PARP16: variants seen among roughly 807,000 people sequenced by gnomAD.
PARP16 encodes the protein protein mono-ADP-ribosyltransferase PARP16.
PARP16 carries 31 observed loss-of-function variants against 35.0 expected under a neutral mutation model. The observed-to-expected ratio is 0.88, with a 90% CI of 0.66 to 1.19. PARP16 has a LOEUF of 1.19. Ranked by LOEUF, PARP16 falls within the 50% of genes most tolerant of loss-of-function variation. The pLI is 0.00. For synonymous variants in PARP16, 162 were observed against 169.5 expected, an observed-to-expected ratio of 0.96 and a Z score of 0.34; for missense variants, 424 against 411.2, an observed-to-expected ratio of 1.03 and a Z score of -0.27.
At chr15:65,245,077 G>T (rs1045942567) in intron 3 of PARP16, among the ~76,000 whole-genome samples, 1 of 152,304 alleles carries the variant, frequency 6.6e-6, no homozygotes, top group Admixed American at 6.5e-5. Context: ...GGATGGCCTG[G>T]GGGAGTGGGG....
chr15:65,283,668 G>A (rs1029210335), intron 1 of PARP16, among the ~76,000 whole-genome samples: 14 of 152,226 alleles, frequency 9.2e-5, no homozygotes, highest in African/African-American at 3.4e-4. Context: ...CTGGCCCAAA[G>A]CTGAGAGCTA....
intron 1 of PARP16, among the ~76,000 whole-genome samples, chr15:65,276,077 G>T (rs565835478): frequency 6.6e-6 from 1 of 152,220 alleles, no homozygotes; most frequent in African/African-American, 2.4e-5. Flanking sequence ...CCCTCCTACT[G>T]CATCTGCCCA....
chr15:65,245,169 C>T (rs1285637443), intron 3 of PARP16, among the ~76,000 whole-genome samples: 2 of 152,208 alleles, frequency 1.3e-5, no homozygotes, highest in Admixed American at 6.5e-5. Context: ...AACCTCACCT[C>T]GTGGCTGCAA....
chr15:65,277,091 G>A (rs1197872590), intron 1 of PARP16, among the ~76,000 whole-genome samples: 1 of 151,908 alleles, frequency 6.6e-6, no homozygotes, highest in Non-Finnish European at 1.5e-5. Flanking sequence ...AGGCACTTAG[G>A]AATCCAGTCT....
chr15:65,271,223 A>G lies in PARP16; in HGVS notation c.175-151T>C, dbSNP rs901309110. ...CACAGGTCTACAATCCCCTTTCCAA[A>G]TAATACTAAACTTTACAAGCTCTAA... On this transcript the variant is annotated intron_variant, in intron 1 of 5. Transcript: ENST00000649807. The G allele has an allele frequency of 5.7e-6, 4 of 705,970 alleles. No individual in the cohort carries two copies. In the African/African-American group the frequency reaches 7.2e-5, roughly 13 times the overall value. The allele number at this position is 705,970 out of a possible 1,614,324, so 43.7% of individuals were successfully genotyped here. A position where few individuals can be genotyped will look rare whatever the true frequency, so the allele number is the denominator to read the frequency against.
Position 65,259,129 on chromosome 15 carries a change from C to T in PARP16, c.*278G>A. 1 of 313,414 alleles carries T rather than the reference C, an allele frequency of 3.2e-6. No individual in the cohort carries two copies. The highest frequency in any genetic ancestry group is 5.9e-6 in the Non-Finnish European group (1 of 168,850). The allele number at this position is 313,414 out of a possible 1,614,324, so 19.4% of individuals were successfully genotyped here. On this transcript the variant is annotated 3_prime_UTR_variant, in exon 6 of 6. Coordinates refer to ENST00000649807, the MANE Select transcript of PARP16 (RefSeq NM_001316943.2). ...ATGCAGCAGGGCTTTTTCCTTTGGC[C>T]CTGGCTGAAAAGCCAACTCCCTAGG...
rs1432878144 is a variant in PARP16, at chr15:65,272,296, T to C, written c.175-1224A>G. Among the ~76,000 whole-genome samples, 8 of 152,218 alleles carry C rather than the reference T, an allele frequency of 5.3e-5. No homozygotes were observed. The South Asian group carries it at 8.3e-4, about 16-fold the overall frequency. On this transcript the variant is annotated intron_variant, in intron 1 of 5. Coordinates refer to ENST00000649807, the MANE Select transcript of PARP16 (RefSeq NM_001316943.2). Reference sequence around the variant, plus strand: ...TGATAGGACTCAGCCTAGTTGTCATTGCAGCACATTATTTACCATTCTAAA... The same window carrying C: ...TGATAGGACTCAGCCTAGTTGTCATCGCAGCACATTATTTACCATTCTAAA...
At chr15:65,282,954 T>C (rs990844743) in intron 1 of PARP16, among the ~76,000 whole-genome samples, 21 of 152,164 alleles carry the variant, frequency 1.4e-4, no homozygotes, top group Admixed American at 1.4e-3. Context: ...AATGAGAATA[T>C]ATTCAAACAT....
chr15:65,280,885 G>C (rs1375795761), intron 1 of PARP16, among the ~76,000 whole-genome samples: 1 of 152,198 alleles, frequency 6.6e-6, no homozygotes, highest in East Asian at 1.9e-4. Flanking sequence ...AATGAGAACA[G>C]GGTAAGCTTC....
intron 1 of PARP16, among the ~76,000 whole-genome samples, chr15:65,273,262 G>A (rs1300755722): frequency 2.8e-5 from 2 of 71,050 alleles, no homozygotes; most frequent in East Asian, 1.1e-3. Context: ...TGGTGACAGA[G>A]AGAGACTCTG....
At chr15:65,255,703 G>T (rs2089481632), downstream of PARP16, among the ~76,000 whole-genome samples, 1 of 150,714 alleles carries the variant, frequency 6.6e-6, no homozygotes, top group Non-Finnish European at 1.5e-5. Context: ...GCAGGGAGGG[G>T]GGTTGGAGGT....
rs2089902109 is a variant in PARP16 at position 65,266,680 on chromosome 15, G to A, written c.401C>T (p.Ala134Val). Reference sequence around the variant, plus strand: ...TTTGGTCTCATAAAATTTGGCGTTGGCTGGGTCAAAGTACTCAATTTCAAA... The same window carrying A: ...TTTGGTCTCATAAAATTTGGCGTTGACTGGGTCAAAGTACTCAATTTCAAA... ...FLFEIEYFDPANAKFYETKGE... is the reference protein window; with the variant it reads ...FLFEIEYFDPVNAKFYETKGE... Residue 134 changes from alanine (A) to valine (V), a missense_variant, in exon 3 of 6, where the codon GCC (alanine) becomes GTC (valine). Coordinates refer to ENST00000649807, the MANE Select transcript of PARP16 (RefSeq NM_001316943.2). 2.5e-6 allele frequency: 4 copies of A among 1,614,068 alleles called. No individual in the cohort carries two copies. The highest frequency in any genetic ancestry group is 2.5e-6 in the Non-Finnish European group (3 of 1,179,928).
At chr15:65,246,657 G>A (rs535526443) in intron 3 of PARP16, among the ~76,000 whole-genome samples, 2 of 152,340 alleles carry the variant, frequency 1.3e-5, no homozygotes, top group South Asian at 2.1e-4. Flanking sequence ...AGAAGAGGGT[G>A]TTGAACCTGT....
intron 1 of PARP16, among the ~76,000 whole-genome samples, chr15:65,276,817 C>T (rs147840093): frequency 3.0e-4 from 45 of 151,894 alleles, no homozygotes; most frequent in African/African-American, 1.1e-3. Context: ...CCTGTCTTTA[C>T]TAAAAATACA....
intron 3 of PARP16, among the ~76,000 whole-genome samples, chr15:65,235,488 A>G (rs2088852052): frequency 6.6e-6 from 1 of 151,752 alleles, no homozygotes; most frequent in Non-Finnish European, 1.5e-5. Flanking sequence ...ATTAGATTCT[A>G]CCTCTTGATG....
chr15:65,273,026 T>A (rs2140925819), intron 1 of PARP16, among the ~76,000 whole-genome samples: 1 of 152,176 alleles, frequency 6.6e-6, no homozygotes, highest in East Asian at 1.9e-4. Context: ...ACACCTGTAA[T>A]CCCAGCACTT....
At chr15:65,236,707 T>C (rs1359370392) in intron 3 of PARP16, among the ~76,000 whole-genome samples, 1 of 152,174 alleles carries the variant, frequency 6.6e-6, no homozygotes, top group African/African-American at 2.4e-5. Flanking sequence ...GCACGGTGGC[T>C]TATGCCTGTA....
intron 3 of PARP16, among the ~76,000 whole-genome samples, chr15:65,246,906 G>C (rs142056109): frequency 6.6e-6 from 1 of 152,272 alleles, no homozygotes; most frequent in East Asian, 1.9e-4. Context: ...CCCAACATTT[G>C]TAAGATATGA....
intron 3 of PARP16, chr15:65,248,073 G>A (rs571798358): frequency 3.5e-4 from 151 of 431,692 alleles, no homozygotes; most frequent in African/African-American, 2.9e-3. Context: ...CAAAGTGCTG[G>A]GATTACAGGC....
Sources: allele counts gnomAD v4.1 joint callset (sites outside exome capture counted in the v4.1 genomes callset), GRCh38; gene constraint gnomAD v4.1.1; transcripts MANE v1.5; gene names NCBI Gene and HGNC (gene_info 2026-07-23, HGNC 2026-07-21).